Variants in B3GALT1 observed in about 807,000 individuals in gnomAD.
B3GALT1 encodes beta-1,3-galactosyltransferase 1.
B3GALT1 carries 10 observed loss-of-function variants against 23.2 expected under a neutral mutation model. The observed-to-expected ratio is 0.43, with a 90% confidence interval of 0.27 to 0.73. B3GALT1 has a LOEUF of 0.73. B3GALT1 is among the 30% of genes least tolerant of loss of function. B3GALT1 has a pLI of 0.21. For missense variants in B3GALT1, 299 were observed against 405.4 expected (o/e 0.74, Z 2.25); for synonymous variants, 156 against 141.5 (o/e 1.10, Z -0.73).
At chr2:167,489,160 A>G (rs1395519650) in intron 1 of B3GALT1, among the ~76,000 whole-genome samples, 2 of 152,136 alleles carry the variant, frequency 1.3e-5, no homozygotes, top group Non-Finnish European at 2.9e-5. Context: ...TGATAAGCCA[A>G]GCAGATCAAG....
At chr2:167,344,745 G>A (rs1697203468) in intron 1 of B3GALT1, among the ~76,000 whole-genome samples, 1 of 152,142 alleles carries the variant, frequency 6.6e-6, no homozygotes, top group Non-Finnish European at 1.5e-5. Context: ...AAACACAAAA[G>A]TTTACATCTC....
intron 2 of B3GALT1, among the ~76,000 whole-genome samples, chr2:167,594,322 G>A (rs1230247668): frequency 6.6e-6 from 1 of 151,994 alleles, no homozygotes; most frequent in African/African-American, 2.4e-5. Flanking sequence ...TGAATATATT[G>A]TATACTTCTA....
intron 3 of B3GALT1, among the ~76,000 whole-genome samples, chr2:167,801,368 C>T (rs1051549558): frequency 1.3e-5 from 2 of 152,156 alleles, no homozygotes; most frequent in African/African-American, 4.8e-5. Context: ...TTCATTTCCT[C>T]CAGACCATAC....
intron 2 of B3GALT1, among the ~76,000 whole-genome samples, chr2:167,529,174 A>G (rs1683274842): frequency 6.6e-6 from 1 of 152,068 alleles, no homozygotes; most frequent in Non-Finnish European, 1.5e-5. Flanking sequence ...ATCTCCTGGA[A>G]CACATACCTT....
At chr2:167,508,739 T>C (rs1222400866) in intron 2 of B3GALT1, among the ~76,000 whole-genome samples, 1 of 151,996 alleles carries the variant, frequency 6.6e-6, no homozygotes, top group Non-Finnish European at 1.5e-5. Flanking sequence ...TGGGAGATGA[T>C]ACATAGTAAG....
intron 1 of B3GALT1, among the ~76,000 whole-genome samples, chr2:167,433,761 C>A (rs552168815): frequency 6.6e-6 from 1 of 152,216 alleles, no homozygotes; most frequent in East Asian, 1.9e-4. Context: ...AACGAAAATT[C>A]TATTAAAACA....
intron 2 of B3GALT1, among the ~76,000 whole-genome samples, chr2:167,645,458 C>T (rs1272066252): frequency 6.6e-6 from 1 of 151,818 alleles, no homozygotes; most frequent in Non-Finnish European, 1.5e-5. Flanking sequence ...ATCAAAAGCA[C>T]TGGTTGACTG....
At chr2:167,839,882 G>A (rs1266528315) in intron 4 of B3GALT1, among the ~76,000 whole-genome samples, 1 of 150,092 alleles carries the variant, frequency 6.7e-6, no homozygotes, top group East Asian at 2.0e-4. Context: ...CCGCATATCT[G>A]CAACTATCTG....
intron 1 of B3GALT1, among the ~76,000 whole-genome samples, chr2:167,425,303 T>G (rs1261872956): frequency 6.6e-6 from 1 of 152,224 alleles, no homozygotes; most frequent in Non-Finnish European, 1.5e-5. Flanking sequence ...TCTTTGGTTG[T>G]TATTTTGTGT....
chr2:167,443,348 G>T (rs1256279438), intron 1 of B3GALT1, among the ~76,000 whole-genome samples: 1 of 152,164 alleles, frequency 6.6e-6, no homozygotes, highest in East Asian at 1.9e-4. Flanking sequence ...GGATTGACTT[G>T]GCAATGCGGA....
chr2:167,423,292 A>G (rs1698574927), intron 1 of B3GALT1, among the ~76,000 whole-genome samples: 1 of 152,232 alleles, frequency 6.6e-6, no homozygotes, highest in Non-Finnish European at 1.5e-5. Flanking sequence ...CTGGGAGAGT[A>G]GAGAAATTTT....
At chr2:167,330,905 T>C (rs979272868) in intron 1 of B3GALT1, among the ~76,000 whole-genome samples, 1 of 152,168 alleles carries the variant, frequency 6.6e-6, no homozygotes, top group African/African-American at 2.4e-5. Context: ...TGCCTTGCTT[T>C]TTTATGCTTC....
At chr2:167,703,148 T>A (rs888040790) in intron 3 of B3GALT1, among the ~76,000 whole-genome samples, 2 of 152,228 alleles carry the variant, frequency 1.3e-5, no homozygotes, top group Non-Finnish European at 2.9e-5. Context: ...TGCCCTCTCA[T>A]TTTGTTCTCA....
chr2:167,420,906 A>G (rs765351652), intron 1 of B3GALT1, among the ~76,000 whole-genome samples: 7 of 152,194 alleles, frequency 4.6e-5, no homozygotes, highest in Admixed American at 1.3e-4. Flanking sequence ...ATTATTCGAT[A>G]TTGGAATATT....
intron 1 of B3GALT1, among the ~76,000 whole-genome samples, chr2:167,399,271 C>T (rs1698148546): frequency 6.6e-6 from 1 of 152,098 alleles, no homozygotes; most frequent in Non-Finnish European, 1.5e-5. Flanking sequence ...AAACATGTGT[C>T]AAGTTTCCCT....
intron 2 of B3GALT1, among the ~76,000 whole-genome samples, chr2:167,500,903 T>G (rs957244938): frequency 6.6e-6 from 1 of 152,126 alleles, no homozygotes; most frequent in Non-Finnish European, 1.5e-5. Context: ...GTTAGAACCA[T>G]AATCCTTTAC....
intron 1 of B3GALT1, among the ~76,000 whole-genome samples, chr2:167,297,514 A>G (rs1696370537): frequency 6.6e-6 from 1 of 152,120 alleles, no homozygotes. Flanking sequence ...TTTTCAAGTA[A>G]GCTTGTCTTT....
Position 167,475,838 on chromosome 2 carries a change from G to T in B3GALT1, c.-510-14339G>T, listed in dbSNP as rs1699477571. ...GTGGGTTCCTTCTGAAGGCCATGAG[G>T]GAGAATATGTTCCAGGCCTCTCTCC... On this transcript the variant is annotated intron_variant, in intron 1 of 4. Transcript: ENST00000392690. Among the ~76,000 whole-genome samples, 4 of 152,056 alleles carry T rather than the reference G, an allele frequency of 2.6e-5. No individual in the cohort carries two copies. The South Asian group carries it at 6.2e-4, about 24-fold the overall frequency.
intron 3 of B3GALT1, among the ~76,000 whole-genome samples, chr2:167,787,101 C>T (rs898002759): frequency 3.2e-4 from 49 of 152,280 alleles, no homozygotes; most frequent in African/African-American, 1.2e-3. Context: ...CATCAGTAGC[C>T]AGGATGCCTA....
Sources: gnomAD v4.1 joint callset for allele counts (sites outside exome capture counted in the v4.1 genomes callset) on GRCh38, gnomAD v4.1.1 for gene constraint, MANE v1.5 for transcripts, NCBI Gene and HGNC (gene_info 2026-07-23, HGNC 2026-07-21) for gene names.